DYNC2I1: variants seen among roughly 807,000 people sequenced by gnomAD.
DYNC2I1 encodes cytoplasmic dynein 2 intermediate chain 1.
DYNC2I1 carries 89 observed loss-of-function variants against 133.4 expected under a neutral mutation model. That is an observed-to-expected ratio of 0.67 (90% CI 0.56 to 0.80). The LOEUF is 0.80. DYNC2I1 is among the 30% of genes least tolerant of loss of function. The pLI is 0.00. For missense variants in DYNC2I1, 1,291 were observed against 1,314.5 expected (o/e 0.98, Z 0.28); for synonymous variants, 504 against 484.3 (o/e 1.04, Z -0.54).
chr7:158,955,727 C>A (rs1334461557), intron 4 of DYNC2I1, among the ~76,000 whole-genome samples: 4 of 152,222 alleles, frequency 2.6e-5, no homozygotes, highest in Non-Finnish European at 5.9e-5. Flanking sequence ...TTCCCCACAG[C>A]ACTCCCCACA....
the DYNC2I1 span, among the ~76,000 whole-genome samples, chr7:158,848,681 T>C: frequency 5.3e-5 from 8 of 151,832 alleles, no homozygotes; most frequent in Non-Finnish European, 8.8e-5. Flanking sequence ...TCCCAGCACT[T>C]TGGGAGGCCG....
At position 158,874,743 on chromosome 7, in the gene DYNC2I1, TG is replaced by T; in HGVS notation, c.491-1865del. Among the ~76,000 whole-genome samples, 4 of 152,328 alleles carry T rather than the reference TG, an allele frequency of 2.6e-5. 1 individual carries two copies. In the East Asian group the frequency reaches 7.7e-4, roughly 29 times the overall value. On this transcript the variant is annotated intron_variant, in intron 3 of 24. Coordinates refer to ENST00000407559, the MANE Select transcript of DYNC2I1 (RefSeq NM_018051.5). ...CATGGTTTTAAATACTGTTTGTCTGTGTCCTTATTTCCAAGTTTTTACCCCC... is the reference window on the plus strand; with the variant it reads ...CATGGTTTTAAATACTGTTTGTCTGTTCCTTATTTCCAAGTTTTTACCCCC...
rs748585110 is a variant in DYNC2I1, at chr7:158,879,856, C to G, written c.746C>G (p.Ser249Cys). The change falls in exon 5 of 25, where the codon TCT becomes TGT. Residue 249 changes from serine to cysteine, a missense_variant. Ser to Cys is a moderately radical substitution (Grantham distance 112, BLOSUM62 -1). Transcript: ENST00000407559. ...TCCAAAGAGAAAAGTAATTCATTCT[C>G]TGACAAAGGGGAAGAAAGACATAAA... ...KYSKEKSNSF[S>C]DKGEERHKEK... 6 of 1,613,224 alleles carry G rather than the reference C, an allele frequency of 3.7e-6. No individual in the cohort carries two copies. The African/African-American group carries it at 4.0e-5, about 11-fold the overall frequency.
intron 1 of DYNC2I1, among the ~76,000 whole-genome samples, chr7:158,867,652 T>TG (rs890111561): frequency 4.0e-5 from 6 of 151,564 alleles, no homozygotes; most frequent in African/African-American, 1.5e-4. Flanking sequence ...GGGGGTGGCG[T>TG]GGGGGGACGT....
chr7:158,925,544 A>G (rs1159881608), intron 17 of DYNC2I1, among the ~76,000 whole-genome samples: 2 of 151,952 alleles, frequency 1.3e-5, no homozygotes, highest in Non-Finnish European at 2.9e-5. Flanking sequence ...GTAGCTTTCT[A>G]TGGAGTTTGG....
At chr7:158,908,994 G>C (rs1168205658) in intron 11 of DYNC2I1, among the ~76,000 whole-genome samples, 1 of 152,112 alleles carries the variant, frequency 6.6e-6, no homozygotes, top group Non-Finnish European at 1.5e-5. Flanking sequence ...TTGAAACAAT[G>C]GGATGAATTT....
At chr7:158,840,859 G>A in the DYNC2I1 span, among the ~76,000 whole-genome samples, 1 of 151,970 alleles carries the variant, frequency 6.6e-6, no homozygotes, top group Admixed American at 6.6e-5. Flanking sequence ...AGAGAGCTCC[G>A]TGCTTCATCA....
At chr7:158,930,428 C>A (rs1476974192) in intron 20 of DYNC2I1, 27 bp from the exon 21 acceptor site, 3 of 1,598,584 alleles carry the variant, frequency 1.9e-6, no homozygotes, top group Non-Finnish European at 2.6e-6. Context: ...TTGAAAGGTG[C>A]ATTGATTTTG....
At chr7:158,904,287 A>G (rs1846537083) in intron 10 of DYNC2I1, 1 of 152,290 alleles carries the variant, frequency 6.6e-6, no homozygotes, top group Non-Finnish European at 1.5e-5. Flanking sequence ...AGTGCCAGGC[A>G]CGTTCTGAGT....
chr7:158,906,030 T>C lies in DYNC2I1; in HGVS notation c.1399T>C (p.Phe467Leu), dbSNP rs1176671030. The change falls in exon 11 of 25, where the codon TTT becomes CTT. Residue 467 changes from phenylalanine to leucine, a missense_variant. Transcript: ENST00000407559. ...SPSRASVCGI[F>L]VDFASASHRQ... The stretch of plus-strand genomic sequence containing the variant: ...TTCCAGAGCCTCTGTTTGTGGAATT[T>C]TTGTGGATTTTGCCTCAGCTTCACA... The C allele has an allele frequency of 6.2e-7, 1 of 1,613,904 alleles. No homozygotes were observed. Among genetic ancestry groups the C allele is most frequent in the Non-Finnish European group, 8.5e-7 (1 of 1,179,854 alleles).
rs1449626262 is a variant in DYNC2I1, at chr7:158,879,834, A to G, written c.724A>G (p.Lys242Glu). 6.2e-7 allele frequency: 1 copy of G among 1,613,352 alleles called. No homozygotes were observed. Among genetic ancestry groups the G allele is most frequent in the Non-Finnish European group, 8.5e-7 (1 of 1,179,654 alleles). Residue 242 changes from lysine to glutamate, a missense_variant, in exon 5 of 25, where the codon AAA becomes GAA. Transcript: ENST00000407559. Reference protein sequence around the residue: ...STREKREKYSKEKSNSFSDKG... With the variant: ...STREKREKYSEEKSNSFSDKG... ...AAGGGAAAAAAGAGAGAAATATTCC[A>G]AAGAGAAAAGTAATTCATTCTCTGA...
At chr7:158,940,463 C>T (rs1851231030) in intron 23 of DYNC2I1, among the ~76,000 whole-genome samples, 1 of 152,158 alleles carries the variant, frequency 6.6e-6, no homozygotes, top group East Asian at 1.9e-4. Context: ...GGCCCAGAGG[C>T]TGGGGACCCC....
the DYNC2I1 span, among the ~76,000 whole-genome samples, chr7:158,842,380 C>T: frequency 6.6e-6 from 1 of 152,214 alleles, no homozygotes; most frequent in African/African-American, 2.4e-5. Context: ...AAAGAGTAGG[C>T]AGCTCTTCTA....
intron 1 of DYNC2I1, among the ~76,000 whole-genome samples, chr7:158,868,681 C>G (rs1381385970): frequency 3.3e-5 from 5 of 152,168 alleles, no homozygotes; most frequent in Admixed American, 3.3e-4. Context: ...GTGTAGCAGA[C>G]GGGTGTGATA....
In DYNC2I1 at chr7:158,915,721, G is replaced by C. The variant is rs1483450092; in HGVS notation, c.1791+1400G>C. On this transcript the variant is annotated intron_variant, in intron 14 of 24. Transcript: ENST00000407559. ...TTGACATTAAGGATGATTGTGAAAC[G>C]TCGACACGCTGGTTGACATTAAGGA... 2.7e-3 allele frequency among the ~76,000 whole-genome samples: 304 copies of C among 111,132 alleles called. 1 individual carries two copies. The highest frequency in any genetic ancestry group is 7.4e-3 in the African/African-American group (207 of 28,086). The allele number at this position is 111,132 out of a possible 152,430, so 72.9% of individuals were successfully genotyped here.
chr7:158,842,949 T>C, the DYNC2I1 span, among the ~76,000 whole-genome samples: 3 of 152,224 alleles, frequency 2.0e-5, no homozygotes, highest in Non-Finnish European at 4.4e-5. Flanking sequence ...AGATGCTCCT[T>C]AACACAGGAT....
intron 23 of DYNC2I1, among the ~76,000 whole-genome samples, chr7:158,936,773 TC>T (rs1850798607): frequency 6.6e-6 from 1 of 152,150 alleles, no homozygotes; most frequent in Admixed American, 6.5e-5. Context: ...CAGGGAGACT[TC>T]CCTTTGAGAC....
intron 1 of DYNC2I1, among the ~76,000 whole-genome samples, chr7:158,858,650 T>C (rs1022066969): frequency 2.0e-5 from 3 of 152,182 alleles, no homozygotes; most frequent in Admixed American, 2.0e-4. Context: ...TCACTGACTT[T>C]ATGTTCTCAT....
chr7:158,942,096 C>G lies in DYNC2I1; in HGVS notation c.2950C>G (p.Leu984Val). Reference sequence around the variant, plus strand: ...CACATCCAACATCTACATCTGGGACCTCCTCCAGAGCGATCTGGGTCCTGT... The same window carrying G: ...CACATCCAACATCTACATCTGGGACGTCCTCCAGAGCGATCTGGGTCCTGT... The part of the protein sequence containing the change: ...DDTSNIYIWD[L>V]LQSDLGPVAK... The change falls in exon 24 of 25, where the codon CTC becomes GTC. Residue 984 changes from leucine to valine, a missense_variant. Coordinates refer to ENST00000407559, the MANE Select transcript of DYNC2I1 (RefSeq NM_018051.5). The G allele has an allele frequency of 6.2e-7, 1 of 1,605,656 alleles. No homozygotes were observed. The highest frequency in any genetic ancestry group is 1.1e-5 in the South Asian group (1 of 89,666).
Sources: allele counts gnomAD v4.1 joint callset (sites outside exome capture counted in the v4.1 genomes callset), GRCh38; gene constraint gnomAD v4.1.1; transcripts MANE v1.5; gene names NCBI Gene and HGNC (gene_info 2026-07-23, HGNC 2026-07-21).